Variants in NXPE2 observed in about 807,000 individuals in gnomAD.
NXPE2 encodes NXPE family member 2.
Under a neutral mutation model 34.4 loss-of-function variants are expected in NXPE2, and 34 were observed. The observed-to-expected ratio is 0.99, with a 90% CI of 0.75 to 1.31. The LOEUF is 1.31. Ranked by LOEUF, NXPE2 falls within the 40% of genes most tolerant of loss-of-function variation. NXPE2 has a pLI of 0.00. For synonymous variants in NXPE2, 235 were observed against 231.3 expected, an observed-to-expected ratio of 1.02 and a Z score of -0.15; for missense variants, 649 against 672.5, an observed-to-expected ratio of 0.97 and a Z score of 0.39.
chr11:114,663,678 TTATCTATCTATCTATC>T, the NXPE2 span, among the ~76,000 whole-genome samples: 8 of 145,940 alleles, frequency 5.5e-5, no homozygotes, highest in African/African-American at 2.1e-4. Context: ...ATCTATCTAT[TTATCTATCTATCTATC>T]TATCTATCTA....
At chr11:114,777,068 G>A in the NXPE2 span, among the ~76,000 whole-genome samples, 2 of 152,162 alleles carry the variant, frequency 1.3e-5, no homozygotes. Context: ...CTTCTCAAAT[G>A]TTGGACACCA....
At chr11:114,550,610 C>T in the NXPE2 span, among the ~76,000 whole-genome samples, 1 of 151,860 alleles carries the variant, frequency 6.6e-6, no homozygotes, top group East Asian at 1.9e-4. Context: ...TGTAACTATA[C>T]AAGTAAAAAA....
chr11:114,543,686 T>TA, the NXPE2 span, among the ~76,000 whole-genome samples: 2 of 152,066 alleles, frequency 1.3e-5, no homozygotes, highest in Non-Finnish European at 2.9e-5. Context: ...GTCAAGAATG[T>TA]CCTCTTTCAC....
chr11:114,755,698 A>T, the NXPE2 span, among the ~76,000 whole-genome samples: 6 of 150,734 alleles, frequency 4.0e-5, no homozygotes, highest in South Asian at 1.3e-3. Flanking sequence ...CTATCTATCC[A>T]TCTATCTATC....
chr11:114,544,357 T>G, the NXPE2 span, among the ~76,000 whole-genome samples: 1 of 152,296 alleles, frequency 6.6e-6, no homozygotes, highest in Admixed American at 6.5e-5. Flanking sequence ...ATCAAGACAA[T>G]GCAGTGTTGG....
At chr11:114,795,031 T>C in the NXPE2 span, among the ~76,000 whole-genome samples, 8 of 152,324 alleles carry the variant, frequency 5.3e-5, no homozygotes, top group Middle Eastern at 3.4e-3. Flanking sequence ...TTCCAGCATT[T>C]TGTGGCTAAT....
the NXPE2 span, among the ~76,000 whole-genome samples, chr11:114,665,025 A>G: frequency 2.0e-5 from 3 of 152,192 alleles, no homozygotes; most frequent in Non-Finnish European, 2.9e-5. Context: ...GGTTTAATGG[A>G]ACATAACCCC....
Position 114,698,628 on chromosome 11 carries a change from C to A in NXPE2, c.716C>A (p.Ala239Asp). Residue 239 changes from alanine (A) to aspartate (D), a missense_variant, in exon 3 of 6, where the codon GCT becomes GAT. Coordinates refer to ENST00000389586, the MANE Select transcript of NXPE2 (RefSeq NM_182495.6). ...TGTGGCCTGACCCTAAACACAAATG[C>A]TGAACTGTGCCAGTACATGGATGAC... is the stretch of plus-strand genomic sequence containing the variant. ...TECGLTLNTNAELCQYMDDRD... is the reference protein window; with the variant it reads ...TECGLTLNTNDELCQYMDDRD... 1 of 1,614,188 alleles carries A rather than the reference C, an allele frequency of 6.2e-7. No homozygotes were observed. Among genetic ancestry groups the A allele is most frequent in the Non-Finnish European group, 8.5e-7 (1 of 1,180,022 alleles).
At chr11:114,551,174 T>G in the NXPE2 span, 483 of 1,534,964 alleles carry the variant, frequency 3.1e-4, 1 homozygote, top group African/African-American at 6.2e-3. Context: ...ATCAGCAGCG[T>G]TTTTTGAAGC....
At chr11:114,699,389 A>G (rs1237525635) in intron 3 of NXPE2, among the ~76,000 whole-genome samples, 1 of 152,148 alleles carries the variant, frequency 6.6e-6, no homozygotes, top group Admixed American at 6.6e-5. Context: ...AAATGCAGTT[A>G]TGTCTTTTAC....
Position 114,698,549 on chromosome 11 carries a change from A to G in NXPE2, c.637A>G (p.Arg213Gly). Residue 213 changes from arginine (R) to glycine (G), a missense_variant, in exon 3 of 6, where the codon AGG becomes GGG. By Grantham distance (125) the Arg-to-Gly change is moderately radical (BLOSUM62 -2). Coordinates refer to ENST00000389586, the MANE Select transcript of NXPE2 (RefSeq NM_182495.6). ...GAGGGCAAGGAACCAAGGATGTGAT[A>G]GGATCATCTTCACTGGCCTGTTTGC... The part of the protein sequence containing the change: ...LWRARNQGCD[R>G]IIFTGLFANR... 1 of 1,614,176 alleles carries G rather than the reference A, an allele frequency of 6.2e-7. No individual in the cohort carries two copies. Among genetic ancestry groups the G allele is most frequent in the African/African-American group, 1.3e-5 (1 of 75,060 alleles).
At chr11:114,532,253 A>G in the NXPE2 span, among the ~76,000 whole-genome samples, 1 of 152,196 alleles carries the variant, frequency 6.6e-6, no homozygotes, top group East Asian at 1.9e-4. Context: ...CCCACATTGA[A>G]GTTTTGAAAA....
At chr11:114,527,047 A>T in the NXPE2 span, 1 of 152,176 alleles carries the variant, frequency 6.6e-6, no homozygotes, top group Admixed American at 6.5e-5. Flanking sequence ...TGTCTTTCAC[A>T]TTGCAAGCTA....
At chr11:114,491,041 A>G in the NXPE2 span, among the ~76,000 whole-genome samples, 3 of 149,856 alleles carry the variant, frequency 2.0e-5, no homozygotes, top group Non-Finnish European at 4.4e-5. Flanking sequence ...GGGCGCCTGT[A>G]GTCCCAGCTA....
chr11:114,705,404 C>T (rs921835481), intron 4 of NXPE2, among the ~76,000 whole-genome samples: 2 of 152,136 alleles, frequency 1.3e-5, no homozygotes, highest in African/African-American at 2.4e-5. Flanking sequence ...TACAATTCAG[C>T]GAGGCCAATG....
At chr11:114,766,495 T>G in the NXPE2 span, among the ~76,000 whole-genome samples, 2 of 152,144 alleles carry the variant, frequency 1.3e-5, no homozygotes, top group Non-Finnish European at 2.9e-5. Flanking sequence ...TATTCTGGCT[T>G]TTTTCTTCCT....
the NXPE2 span, among the ~76,000 whole-genome samples, chr11:114,729,009 T>C: frequency 1.7e-4 from 26 of 152,108 alleles, no homozygotes; most frequent in Non-Finnish European, 3.1e-4. Context: ...GTTTGGGATA[T>C]GATTTATCCC....
At chr11:114,577,050 TA>T in the NXPE2 span, among the ~76,000 whole-genome samples, 1 of 49,612 alleles carries the variant, frequency 2.0e-5, no homozygotes, top group Non-Finnish European at 3.7e-5. Flanking sequence ...TAAAGTTATA[TA>T]TATATACATA....
chr11:114,642,730 G>A, the NXPE2 span, among the ~76,000 whole-genome samples: 1 of 152,032 alleles, frequency 6.6e-6, no homozygotes, highest in African/African-American at 2.4e-5. Flanking sequence ...ACATATGTGT[G>A]CATGTGTCTT....
Sources: allele counts gnomAD v4.1 joint callset (sites outside exome capture counted in the v4.1 genomes callset), GRCh38; gene constraint gnomAD v4.1.1; transcripts MANE v1.5; gene names NCBI Gene and HGNC (gene_info 2026-07-23, HGNC 2026-07-21).